GNAO1: variants seen among roughly 807,000 people sequenced by gnomAD.
The protein encoded by GNAO1 is G protein subunit alpha o1, also known as guanine nucleotide-binding protein G(o) subunit alpha.
For missense variants in GNAO1, 166 were observed against 478.7 expected (o/e 0.35, Z 6.10); for synonymous variants, 164 against 180.7 (o/e 0.91, Z 0.74).
chr16:56,340,059 G>A (rs1419908300), intron 6 of GNAO1, among the ~76,000 whole-genome samples: 1 of 152,214 alleles, frequency 6.6e-6, no homozygotes, highest in Admixed American at 6.5e-5. Flanking sequence ...CGGGCTCTCT[G>A]CAGGAGCTAG....
chr16:56,192,192 C>G lies in GNAO1; in HGVS notation c.-44C>G. The G allele has an allele frequency of 8.7e-7, 1 of 1,149,730 alleles. No homozygotes were observed. The highest frequency in any genetic ancestry group is 2.5e-5 in the East Asian group (1 of 39,774). 71.2% of individuals were successfully genotyped at this position (1,149,730 alleles called of 1,614,324 possible). On this transcript the variant is annotated 5_prime_UTR_variant, in exon 1 of 9. Coordinates refer to ENST00000262493, the MANE Select transcript of GNAO1 (RefSeq NM_020988.3). Reference sequence around the variant, plus strand: ...TGGGGGGCGCTCCAAGCCGGGGAGCCGTGCCAGCCGAGTCGTGCGGGCTGT... The same window carrying G: ...TGGGGGGCGCTCCAAGCCGGGGAGCGGTGCCAGCCGAGTCGTGCGGGCTGT...
At chr16:56,339,312 T>C (rs1260182768) in intron 6 of GNAO1, among the ~76,000 whole-genome samples, 1 of 152,028 alleles carries the variant, frequency 6.6e-6, no homozygotes, top group African/African-American at 2.4e-5. Context: ...CCTCTGTAGA[T>C]GGTGACAATG....
At chr16:56,289,866 C>T (rs919440442) in intron 3 of GNAO1, among the ~76,000 whole-genome samples, 2 of 152,176 alleles carry the variant, frequency 1.3e-5, no homozygotes, top group African/African-American at 4.8e-5. Context: ...CTGCCCCAGT[C>T]CCCCAAACAA....
At chr16:56,217,290 T>G (rs2036444970) in intron 2 of GNAO1, among the ~76,000 whole-genome samples, 2 of 152,228 alleles carry the variant, frequency 1.3e-5, no homozygotes, top group African/African-American at 4.8e-5. Context: ...AGTGACAGAC[T>G]GGGTATTCTT....
At chr16:56,211,905 A>G (rs1208778414) in intron 2 of GNAO1, among the ~76,000 whole-genome samples, 3 of 152,150 alleles carry the variant, frequency 2.0e-5, no homozygotes, top group Non-Finnish European at 2.9e-5. Context: ...ACAACTTCCT[A>G]CTTTGGAACA....
At chr16:56,250,630 T>TA (rs2036791069) in intron 2 of GNAO1, among the ~76,000 whole-genome samples, 1 of 152,144 alleles carries the variant, frequency 6.6e-6, no homozygotes, top group African/African-American at 2.4e-5. Context: ...CCCAATGACT[T>TA]AAAAAATAAG....
intron 3 of GNAO1, among the ~76,000 whole-genome samples, chr16:56,277,925 GC>G (rs1567466475): frequency 6.6e-6 from 1 of 151,890 alleles, no homozygotes; most frequent in Admixed American, 6.6e-5. Flanking sequence ...TTATAACCCA[GC>G]AAAGTCAGTG....
At chr16:56,279,269 C>A (rs530446871) in intron 3 of GNAO1, among the ~76,000 whole-genome samples, 1 of 152,286 alleles carries the variant, frequency 6.6e-6, no homozygotes, top group East Asian at 1.9e-4. Context: ...CTGTCTGTTT[C>A]CCCCAGAGGA....
intron 6 of GNAO1, among the ~76,000 whole-genome samples, chr16:56,341,507 G>A (rs377675823): frequency 1.3e-5 from 2 of 152,238 alleles, no homozygotes; most frequent in East Asian, 1.9e-4. Flanking sequence ...GCAGAGCTTC[G>A]CGTGGTGCCG....
At chr16:56,336,267 A>G (rs2037739078) in intron 5 of GNAO1, 1 of 159,996 alleles carries the variant, frequency 6.3e-6, no homozygotes, top group Non-Finnish European at 1.4e-5. Context: ...CAGCTTGGGC[A>G]TGTCCTAAGC....
At chr16:56,280,704 G>A (rs1377472753) in intron 3 of GNAO1, among the ~76,000 whole-genome samples, 3 of 152,170 alleles carry the variant, frequency 2.0e-5, no homozygotes, top group Non-Finnish European at 4.4e-5. Flanking sequence ...GTGATGCGTA[G>A]CAACAAAGGA....
chr16:56,252,062 A>G lies in GNAO1; in HGVS notation c.162-23869A>G, dbSNP rs186160336. Reference sequence around the variant, plus strand: ...GAAATTATAGGAAGTATAATAAATCATCCTCCCGCCCTCAAAGTAGGGCCA... The same window carrying G: ...GAAATTATAGGAAGTATAATAAATCGTCCTCCCGCCCTCAAAGTAGGGCCA... On this transcript the variant is annotated intron_variant, in intron 2 of 8. Coordinates refer to ENST00000262493, the MANE Select transcript of GNAO1 (RefSeq NM_020988.3). Among the ~76,000 whole-genome samples, 315 of 152,338 alleles carry G rather than the reference A, an allele frequency of 2.1e-3. 1 individual carries two copies. Among genetic ancestry groups the G allele is most frequent in the African/African-American group, 7.3e-3 (305 of 41,578 alleles).
intron 2 of GNAO1, among the ~76,000 whole-genome samples, chr16:56,241,857 T>TGG (rs1385536265): frequency 2.6e-5 from 4 of 152,206 alleles, no homozygotes; most frequent in African/African-American, 9.7e-5. Flanking sequence ...TACGAGCCTG[T>TGG]GGGAGCTGGG....
intron 2 of GNAO1, among the ~76,000 whole-genome samples, chr16:56,244,551 T>C (rs1322915218): frequency 6.6e-6 from 1 of 151,882 alleles, no homozygotes; most frequent in African/African-American, 2.4e-5. Flanking sequence ...GGATCCCTCA[T>C]TGCTTGTTCT....
intron 6 of GNAO1, chr16:56,344,274 G>A: frequency 1.6e-6 from 2 of 1,251,294 alleles, no homozygotes; most frequent in Non-Finnish European, 1.0e-6. Flanking sequence ...TGCACCTGAT[G>A]ACTCACTGGA....
chr16:56,275,830 T>C (rs1241304979), intron 2 of GNAO1, 101 bp from the exon 3 acceptor site: 2 of 972,258 alleles, frequency 2.1e-6, no homozygotes, highest in Admixed American at 6.0e-5. Context: ...GCATCTCGGC[T>C]GGACCTGGCC....
rs1455627031 is a variant in GNAO1, at chr16:56,344,494, C to A, written c.724-6890C>A. On this transcript the variant is annotated intron_variant, in intron 6 of 8. Transcript: ENST00000262493. ...CAGGCCTTGGCGATGGCCTCCGTCT[C>A]CCTGCTCCCTCCCCTGGGTCTCAGC... 3 of 990,014 alleles carry A rather than the reference C, an allele frequency of 3.0e-6. No individual in the cohort carries two copies. In the African/African-American group the frequency reaches 5.2e-5, roughly 17 times the overall value. 61.3% of individuals were successfully genotyped at this position (990,014 alleles called of 1,614,324 possible). A position where few individuals can be genotyped will look rare whatever the true frequency, so the allele number is the denominator to read the frequency against.
chr16:56,212,387 A>G (rs2036397708), intron 2 of GNAO1, among the ~76,000 whole-genome samples: 1 of 152,180 alleles, frequency 6.6e-6, no homozygotes, highest in Non-Finnish European at 1.5e-5. Context: ...ATGGTCCTGG[A>G]ATGCAGTGAA....
chr16:56,348,194 TTC>T, intron 6 of GNAO1: 1 of 984,754 alleles, frequency 1.0e-6, no homozygotes, highest in Non-Finnish European at 1.2e-6. Context: ...AGTGCCCGCT[TTC>T]CTAGCGTGAG....
Sources: gnomAD v4.1 joint callset for allele counts (sites outside exome capture counted in the v4.1 genomes callset) on GRCh38, gnomAD v4.1.1 for gene constraint, MANE v1.5 for transcripts, NCBI Gene and HGNC (gene_info 2026-07-23, HGNC 2026-07-21) for gene names.